The following ZPBP variants were observed in gnomAD, a reference collection of about 807,000 sequenced individuals.
The protein encoded by ZPBP is zona pellucida-binding protein 1.
A neutral mutation model predicts 44.8 loss-of-function variants in ZPBP; 26 were observed. The observed-to-expected ratio is 0.58, with a 90% CI of 0.43 to 0.81. ZPBP has a LOEUF of 0.81. ZPBP is among the 30% of genes least tolerant of loss of function. The pLI is 0.00. For missense variants in ZPBP, 409 were observed against 434.0 expected (o/e 0.94, Z 0.51); for synonymous variants, 174 against 153.2 (o/e 1.14, Z -1.00).
At chr7:50,014,616 C>T (rs1366934272) in intron 6 of ZPBP, among the ~76,000 whole-genome samples, 1 of 151,610 alleles carries the variant, frequency 6.6e-6, no homozygotes, top group South Asian at 2.1e-4. Context: ...AGGCACCTAC[C>T]ACCACGCCCG....
chr7:49,970,433 T>C (rs1026984238), intron 7 of ZPBP, among the ~76,000 whole-genome samples: 2 of 141,522 alleles, frequency 1.4e-5, no homozygotes, highest in Admixed American at 7.3e-5. Context: ...CTAAGAGTAT[T>C]ATACAGAACC....
chr7:50,000,040 C>A (rs1322123091), intron 6 of ZPBP, among the ~76,000 whole-genome samples: 1 of 151,934 alleles, frequency 6.6e-6, no homozygotes, highest in African/African-American at 2.4e-5. Flanking sequence ...AGATGTAAGG[C>A]TTCTACACTT....
intron 7 of ZPBP, among the ~76,000 whole-genome samples, chr7:49,978,436 T>C (rs1445903291): frequency 6.6e-6 from 1 of 151,918 alleles, no homozygotes; most frequent in African/African-American, 2.4e-5. Flanking sequence ...AAAAATAATA[T>C]AGGTGGAAAT....
intron 4 of ZPBP, among the ~76,000 whole-genome samples, chr7:50,041,756 A>T (rs1800106136): frequency 6.6e-6 from 1 of 152,188 alleles, no homozygotes; most frequent in Non-Finnish European, 1.5e-5. Context: ...AAAAACCAGA[A>T]CACTTCTTCT....
chr7:50,053,950 C>T (rs1369193483), intron 4 of ZPBP, among the ~76,000 whole-genome samples: 1 of 152,124 alleles, frequency 6.6e-6, no homozygotes, highest in Non-Finnish European at 1.5e-5. Flanking sequence ...AATACAGTGG[C>T]ATGATCCGGC....
chr7:50,092,740 A>C, intron 1 of ZPBP: 2 of 221,236 alleles, frequency 9.0e-6, no homozygotes, highest in Non-Finnish European at 1.8e-5. Context: ...TCTCATCATT[A>C]CAGAGTTCAC....
At chr7:49,863,161 T>C (rs1790728666) in intron 2 of ZPBP, among the ~76,000 whole-genome samples, 1 of 152,232 alleles carries the variant, frequency 6.6e-6, no homozygotes, top group Non-Finnish European at 1.5e-5. Context: ...AGGTGTTTTG[T>C]TATTTTTCTT....
At chr7:50,024,023 T>C (rs938529889) in intron 5 of ZPBP, among the ~76,000 whole-genome samples, 2 of 151,836 alleles carry the variant, frequency 1.3e-5, no homozygotes, top group Non-Finnish European at 2.9e-5. Flanking sequence ...ATATACAAAA[T>C]GGTAATGCCA....
At chr7:49,998,329 T>C (rs749294041) in intron 6 of ZPBP, among the ~76,000 whole-genome samples, 3 of 152,212 alleles carry the variant, frequency 2.0e-5, no homozygotes, top group Non-Finnish European at 4.4e-5. Flanking sequence ...CCTGCAGCTA[T>C]AGGAGATAAG....
At chr7:50,054,280 T>C (rs1800826884) in intron 4 of ZPBP, among the ~76,000 whole-genome samples, 2 of 152,204 alleles carry the variant, frequency 1.3e-5, no homozygotes, top group Admixed American at 6.5e-5. Context: ...AAATTGAAAC[T>C]TCTGTTAGTA....
At chr7:50,091,209 A>G (rs1390613022) in intron 1 of ZPBP, among the ~76,000 whole-genome samples, 1 of 151,736 alleles carries the variant, frequency 6.6e-6, no homozygotes, top group Non-Finnish European at 1.5e-5. Context: ...TGTAGATTCT[A>G]GATATAGATT....
At chr7:50,061,407 A>G (rs1346997343) in intron 3 of ZPBP, among the ~76,000 whole-genome samples, 1 of 152,184 alleles carries the variant, frequency 6.6e-6, no homozygotes, top group Non-Finnish European at 1.5e-5. Flanking sequence ...TATACCTAGA[A>G]AACCCCATCA....
chr7:49,893,688 T>A (rs1482811993), intron 2 of ZPBP, among the ~76,000 whole-genome samples: 2 of 151,820 alleles, frequency 1.3e-5, no homozygotes, highest in African/African-American at 4.8e-5. Context: ...CTAAAATATG[T>A]CAGGTATATA....
intron 4 of ZPBP, among the ~76,000 whole-genome samples, chr7:50,034,235 A>G (rs1239765736): frequency 1.3e-5 from 2 of 151,372 alleles, no homozygotes; most frequent in East Asian, 1.9e-4. Context: ...GTTTCTTCCA[A>G]TATCTGACTA....
chr7:50,061,374 T>C (rs1487184382), intron 3 of ZPBP, among the ~76,000 whole-genome samples: 1 of 152,114 alleles, frequency 6.6e-6, no homozygotes, highest in Non-Finnish European at 1.5e-5. Flanking sequence ...TCAAATTATC[T>C]GCCTTCACAG....
intron 2 of ZPBP, among the ~76,000 whole-genome samples, chr7:49,859,607 A>C (rs2128719670): frequency 6.6e-6 from 1 of 152,284 alleles, no homozygotes; most frequent in African/African-American, 2.4e-5. Flanking sequence ...TGGGCTTTCC[A>C]TTCTGTTACA....
chr7:49,848,383 G>A (rs773088764), downstream of ZPBP, among the ~76,000 whole-genome samples: 5 of 152,198 alleles, frequency 3.3e-5, no homozygotes, highest in East Asian at 1.9e-4. Flanking sequence ...AGCAGGCGAC[G>A]CCCTGCAGTG....
chr7:49,916,066 A>G (rs1793706551), intron 1 of ZPBP: 1 of 152,228 alleles, frequency 6.6e-6, no homozygotes, highest in Non-Finnish European at 1.5e-5. Context: ...TGCAACTTCC[A>G]AAGATCAGGT....
rs375851576 is a variant in ZPBP at position 50,061,518 on chromosome 7, T to C, written c.335-3377A>G. 3.3e-5 allele frequency among the ~76,000 whole-genome samples: 5 copies of C among 152,248 alleles called. No homozygotes were observed. The East Asian group carries it at 7.7e-4, about 24-fold the overall frequency. ...GAGTTCAAGGCTAGCCTAGCCAACA[T>C]AGTGAAACCTCATCTCTACTAAAAA... On this transcript the variant is annotated intron_variant, in intron 3 of 7. Coordinates refer to ENST00000046087, the MANE Select transcript of ZPBP (RefSeq NM_007009.3).
Sources: allele counts gnomAD v4.1 joint callset (sites outside exome capture counted in the v4.1 genomes callset), GRCh38; gene constraint gnomAD v4.1.1; transcripts MANE v1.5; gene names NCBI Gene and HGNC (gene_info 2026-07-23, HGNC 2026-07-21).